LGMN: variants seen among roughly 807,000 people sequenced by gnomAD.
LGMN encodes asparaginyl endopeptidase.
Under a neutral mutation model 56.8 loss-of-function variants are expected in LGMN, and 36 were observed. That is an observed-to-expected ratio of 0.63 (90% confidence interval 0.49 to 0.84). The LOEUF is 0.84. LGMN is among the 40% of genes least tolerant of loss of function. The probability of loss-of-function intolerance (pLI) is 0.00; values close to 1 mark genes in which losing one functional copy is unlikely to be tolerated. For synonymous variants in LGMN, 199 were observed against 210.1 expected (o/e 0.95, Z 0.46); for missense variants, 446 against 556.1 (o/e 0.80, Z 1.99).
chr14:92,704,753 C>T, intron 12 of LGMN, 46 bp from the exon 13 acceptor site: 1 of 1,472,450 alleles, frequency 6.8e-7, no homozygotes, highest in Non-Finnish European at 9.5e-7. Context: ...CATCTCACCA[C>T]ACAATCCACT....
intron 1 of LGMN, among the ~76,000 whole-genome samples, chr14:92,738,968 A>G (rs1208668814): frequency 6.6e-6 from 1 of 151,454 alleles, no homozygotes; most frequent in Non-Finnish European, 1.5e-5. Context: ...GCAGTGAGCC[A>G]AGATCGCACC....
chr14:92,729,374 A>C, intron 2 of LGMN, among the ~76,000 whole-genome samples: 2 of 135,188 alleles, frequency 1.5e-5, no homozygotes, highest in Admixed American at 7.9e-5. Flanking sequence ...CCCAGACTCT[A>C]CTCTGATTCC....
chr14:92,730,353 G>A (rs1252330497), intron 2 of LGMN, among the ~76,000 whole-genome samples: 2 of 152,168 alleles, frequency 1.3e-5, no homozygotes, highest in Admixed American at 6.5e-5. Context: ...CATTCATTCC[G>A]TGAATGTAAA....
At chr14:92,723,049 A>ATCT (rs1397513862) in intron 2 of LGMN, among the ~76,000 whole-genome samples, 24 of 145,824 alleles carry the variant, frequency 1.6e-4, no homozygotes, top group African/African-American at 5.5e-4. Context: ...ACAAGTCTAA[A>ATCT]TTTTTTTTTT....
Position 92,706,635 on chromosome 14 carries a change from T to C in LGMN, c.1039A>G (p.Lys347Glu). The C allele has an allele frequency of 6.3e-7, 1 of 1,588,012 alleles. No homozygotes were observed. Among genetic ancestry groups the C allele is most frequent in the Non-Finnish European group, 8.6e-7 (1 of 1,159,576 alleles). Reference sequence around the variant, plus strand: ...AAGGAGACGATCTTACGCACTGACTTCTCAATGAGGTGCCTGGCCTGGGGA... The same window carrying C: ...AAGGAGACGATCTTACGCACTGACTCCTCAATGAGGTGCCTGGCCTGGGGA... Reference protein sequence around the residue: ...RHLDARHLIEKSVRKIVSLLA... With the variant: ...RHLDARHLIEESVRKIVSLLA... The change falls in exon 12 of 14, where the codon AAG (lysine) becomes GAG (glutamate). Residue 347 changes from lysine to glutamate, a missense_variant. By Grantham distance (56) the Lys-to-Glu change is moderately conservative (BLOSUM62 1). Transcript: ENST00000334869.
chr14:92,725,737 G>A (rs1396255543), intron 2 of LGMN, among the ~76,000 whole-genome samples: 13 of 151,426 alleles, frequency 8.6e-5, no homozygotes, highest in South Asian at 4.2e-4. Context: ...CACCATGCCC[G>A]GCTAATTTTT....
intron 1 of LGMN, among the ~76,000 whole-genome samples, chr14:92,744,842 G>A (rs1211551471): frequency 2.0e-5 from 3 of 152,038 alleles, no homozygotes; most frequent in Admixed American, 2.0e-4. Context: ...GATCCGCCCG[G>A]CTCAGCCTCC....
chr14:92,727,879 CA>C (rs1455509253), intron 2 of LGMN, among the ~76,000 whole-genome samples: 1 of 152,210 alleles, frequency 6.6e-6, no homozygotes, highest in Non-Finnish European at 1.5e-5. Context: ...TCCTCCCCTA[CA>C]CCCCTTGCAA....
chr14:92,726,834 G>T (rs967524357), intron 2 of LGMN, among the ~76,000 whole-genome samples: 1 of 152,092 alleles, frequency 6.6e-6, no homozygotes, highest in Non-Finnish European at 1.5e-5. Flanking sequence ...GGTCACAAGT[G>T]GTCAGGAGCT....
chr14:92,744,152 CAAAAAGAAAAAA>C (rs1891709267), intron 1 of LGMN, among the ~76,000 whole-genome samples: 2 of 145,880 alleles, frequency 1.4e-5, no homozygotes, highest in South Asian at 2.2e-4. Context: ...GCTCTGTCTC[CAAAAAGAAAAAA>C]AAAAAGAAAA....
intron 11 of LGMN, among the ~76,000 whole-genome samples, chr14:92,709,172 ATT>A (rs879728504): frequency 1.4e-5 from 2 of 144,850 alleles, no homozygotes; most frequent in Non-Finnish European, 1.5e-5. Flanking sequence ...TGTGGATTGG[ATT>A]TTTTTTTTTT....
intron 12 of LGMN, among the ~76,000 whole-genome samples, chr14:92,705,570 G>C (rs1422785671): frequency 6.6e-6 from 1 of 152,186 alleles, no homozygotes; most frequent in Non-Finnish European, 1.5e-5. Context: ...CTCTGCCCCA[G>C]TGTGAAAGAA....
chr14:92,733,479 A>G (rs1042767569), intron 1 of LGMN, among the ~76,000 whole-genome samples: 2 of 152,226 alleles, frequency 1.3e-5, no homozygotes, highest in Non-Finnish European at 2.9e-5. Flanking sequence ...TCTACCACAT[A>G]CTATGAAGTA....
chr14:92,747,102 T>G (rs1197182028), intron 1 of LGMN, among the ~76,000 whole-genome samples: 1 of 150,256 alleles, frequency 6.7e-6, no homozygotes, highest in Non-Finnish European at 1.5e-5. Context: ...ACTCCACGAC[T>G]CCAGTGCAAA....
intron 2 of LGMN, among the ~76,000 whole-genome samples, chr14:92,722,174 A>ATTT (rs534402099): frequency 0.022 from 3,278 of 146,302 alleles, 130 homozygotes; most frequent in African/African-American, 0.077. Flanking sequence ...TACTAGTATA[A>ATTT]TTTTTTTTTT....
Position 92,704,435 on chromosome 14 carries a change from T to G in LGMN, c.1260-74A>C, listed in dbSNP as rs1223675061. ...AAAGGCAGACAAACGCAAACCCACATGCGGCAGGCAGGCAGTTATGACAGG... is the reference window on the plus strand; with the variant it reads ...AAAGGCAGACAAACGCAAACCCACAGGCGGCAGGCAGGCAGTTATGACAGG... On this transcript the variant is annotated intron_variant, in intron 13 of 13. Transcript: ENST00000334869. 3.8e-6 allele frequency: 5 copies of G among 1,301,428 alleles called. No homozygotes were observed. In the African/African-American group the frequency reaches 7.3e-5, roughly 19 times the overall value. The allele number at this position is 1,301,428 out of a possible 1,614,324, so 80.6% of individuals were successfully genotyped here.
chr14:92,714,937 T>C lies in LGMN; in HGVS notation c.405-486A>G, dbSNP rs1318366693. Among the ~76,000 whole-genome samples the C allele has an allele frequency of 6.6e-6, 1 of 151,878 alleles. No individual in the cohort carries two copies. The highest frequency in any genetic ancestry group is 1.5e-5 in the Non-Finnish European group (1 of 68,022). On this transcript the variant is annotated intron_variant, in intron 5 of 13. Transcript: ENST00000334869. This position sits in a 1 kb window ranked among gnomAD's most constrained non-coding sequence, Gnocchi z 5.1. ...GCGCTGCTTCAAAGTGGCAGAGATG[T>C]AGTAACTTACATGAAGCCAATTTGG...
intron 13 of LGMN, 61 bp downstream of exon 13, chr14:92,704,579 G>C: frequency 7.2e-7 from 1 of 1,384,820 alleles, no homozygotes; most frequent in Non-Finnish European, 1.0e-6. Context: ...GAAGAGGATG[G>C]CAGCCCCTTC....
At chr14:92,716,435 C>T (rs190665025) in intron 4 of LGMN, among the ~76,000 whole-genome samples, 2 of 152,298 alleles carry the variant, frequency 1.3e-5, no homozygotes, top group Non-Finnish European at 2.9e-5. Context: ...GAGTTCAAGG[C>T]TAGCCTGGCC....
Sources: gnomAD v4.1 joint callset for allele counts (sites outside exome capture counted in the v4.1 genomes callset) on GRCh38, gnomAD v4.1.1 for gene constraint, Gnocchi (gnomAD v3.1) non-coding constraint, MANE v1.5 for transcripts, NCBI Gene and HGNC (gene_info 2026-07-23, HGNC 2026-07-21) for gene names.